The following COQ7 variants were observed in gnomAD, a reference collection of about 807,000 sequenced individuals.
The protein encoded by COQ7 is NADPH-dependent 3-demethoxyubiquinone 3-hydroxylase, mitochondrial.
COQ7 carries 21 observed loss-of-function variants against 25.0 expected under a neutral mutation model. That is an observed-to-expected ratio of 0.84 (90% CI 0.60 to 1.21). The LOEUF (loss-of-function observed/expected upper bound fraction) is 1.21, where lower values mean the gene tolerates loss of function less well. Among genes scored for constraint, COQ7 ranks in the 50% most tolerant of loss-of-function variants. The probability of loss-of-function intolerance (pLI) is 0.00; values close to 1 mark genes in which losing one functional copy is unlikely to be tolerated. For missense variants in COQ7, 311 were observed against 296.2 expected (o/e 1.05, Z -0.37); for synonymous variants, 125 against 112.4 (o/e 1.11, Z -0.71).
At chr16:19,082,860 CGTATT>C (rs1357974666), downstream of COQ7, among the ~76,000 whole-genome samples, 1 of 151,456 alleles carries the variant, frequency 6.6e-6, no homozygotes, top group African/African-American at 2.4e-5. Context: ...CAAAAGGTCA[CGTATT>C]GTATTATTCC....
intron 3 of COQ7, 96 bp downstream of exon 3, chr16:19,074,131 A>G (rs1163065334): frequency 5.4e-5 from 46 of 853,644 alleles, no homozygotes; most frequent in Non-Finnish European, 6.6e-5. Flanking sequence ...GTGTCCTCTT[A>G]TGACCTCATT....
At position 19,068,164 on chromosome 16, in the gene COQ7, TAC is replaced by T. The variant is rs540719700; in HGVS notation, c.73+429_73+430del. The stretch of plus-strand genomic sequence containing the variant: ...GCTACTTCTGGGCGCTCGCTAGAAA[TAC>T]AGATTCTCGGGCCCCACCCCGACCT... On this transcript the variant is annotated intron_variant, in intron 1 of 5. Transcript: ENST00000321998. 5.0e-4 allele frequency: 519 copies of T among 1,037,470 alleles called. 5 individuals carry two copies. The African/African-American group carries it at 8.1e-3, about 16-fold the overall frequency. 64.3% of individuals were successfully genotyped at this position (1,037,470 alleles called of 1,614,324 possible).
intron 3 of COQ7, 73 bp from the exon 4 acceptor site, chr16:19,075,648 C>A: frequency 1.3e-6 from 2 of 1,487,946 alleles, no homozygotes; most frequent in Non-Finnish European, 1.8e-6. Flanking sequence ...GTTAAGAAGC[C>A]CTGGCCACAG....
rs1963034092 is a variant in COQ7, at chr16:19,079,557, TTC to T, written c.*1400_*1401del. Reference sequence around the variant, plus strand: ...TCCTGTGGAGATTAAACTTTTTTTTTTCAGTTTATGGACCAAGAGTTTTGATT... The same window carrying T: ...TCCTGTGGAGATTAAACTTTTTTTTTAGTTTATGGACCAAGAGTTTTGATT... On this transcript the variant is annotated 3_prime_UTR_variant, in exon 6 of 6. Coordinates refer to ENST00000321998, the MANE Select transcript of COQ7 (RefSeq NM_016138.5). 6.6e-6 allele frequency: 1 copy of T among 152,202 alleles called. No homozygotes were observed. Among genetic ancestry groups the T allele is most frequent in the African/African-American group, 2.4e-5 (1 of 41,454 alleles). 9.4% of individuals were successfully genotyped at this position (152,202 alleles called of 1,614,324 possible).
intron 2 of COQ7, 182 bp downstream of exon 2, chr16:19,072,288 GCA>G: frequency 1.5e-6 from 1 of 657,214 alleles, no homozygotes; most frequent in South Asian, 1.9e-5. Flanking sequence ...TATGGATAAA[GCA>G]CAGAGAGACA....
intron 1 of COQ7, among the ~76,000 whole-genome samples, chr16:19,071,284 C>G (rs1034907445): frequency 6.6e-6 from 1 of 152,276 alleles, no homozygotes; most frequent in African/African-American, 2.4e-5. Flanking sequence ...TAAAGGCACA[C>G]GCCAACACAC....
intron 1 of COQ7, among the ~76,000 whole-genome samples, chr16:19,069,607 C>T (rs112673779): frequency 1.6e-4 from 24 of 151,998 alleles, no homozygotes; most frequent in South Asian, 4.2e-4. Flanking sequence ...GACGGGGTTT[C>T]GCCATGATGA....
At chr16:19,082,050 C>G (rs1963109534), downstream of COQ7, among the ~76,000 whole-genome samples, 3 of 152,066 alleles carry the variant, frequency 2.0e-5, no homozygotes, top group African/African-American at 7.2e-5. Flanking sequence ...AAAACATGTT[C>G]AAACCAATCC....
At chr16:19,073,434 G>C (rs987900324) in intron 2 of COQ7, among the ~76,000 whole-genome samples, 1 of 152,108 alleles carries the variant, frequency 6.6e-6, no homozygotes, top group Admixed American at 6.5e-5. Context: ...TTGAGGCTGC[G>C]GTGAGCCATG....
chr16:19,069,815 ACT>A (rs1962462117), intron 1 of COQ7, among the ~76,000 whole-genome samples: 1 of 147,512 alleles, frequency 6.8e-6, no homozygotes, highest in Non-Finnish European at 1.5e-5. Context: ...ACAGAGTCTC[ACT>A]CTGTCACCGA....
intron 3 of COQ7, among the ~76,000 whole-genome samples, chr16:19,074,745 T>C (rs1313160931): frequency 6.6e-6 from 1 of 152,164 alleles, no homozygotes; most frequent in Non-Finnish European, 1.5e-5. Flanking sequence ...GGTCTCGTTA[T>C]GTTACCTAGG....
At position 19,073,889 on chromosome 16, in the gene COQ7, C is replaced by G. The variant is rs769518622; in HGVS notation, c.253-32C>G. 23 of 1,554,642 alleles carry G rather than the reference C, an allele frequency of 1.5e-5. No homozygotes were observed. The African/African-American group carries it at 1.8e-4, about 12-fold the overall frequency. ...ATGAGTGGGAGGCCTCTATGGAATGCTTGCATGTCTTTATTTTTATGTTTC... is the reference window on the plus strand; with the variant it reads ...ATGAGTGGGAGGCCTCTATGGAATGGTTGCATGTCTTTATTTTTATGTTTC... On this transcript the variant is annotated intron_variant, in intron 2 of 5. Transcript: ENST00000321998.
In COQ7 at chr16:19,073,960, A is replaced by G. The variant is rs1368130266; in HGVS notation, c.292A>G (p.Asn98Asp). 1 of 1,613,828 alleles carries G rather than the reference A, an allele frequency of 6.2e-7. No individual in the cohort carries two copies. Among genetic ancestry groups the G allele is most frequent in the Non-Finnish European group, 8.5e-7 (1 of 1,179,960 alleles). Residue 98 changes from asparagine (N) to aspartate (D), a missense_variant, in exon 3 of 6, where the codon AAT (asparagine) becomes GAT (aspartate). By Grantham distance (23) the Asn-to-Asp change is conservative. Coordinates refer to ENST00000321998, the MANE Select transcript of COQ7 (RefSeq NM_016138.5). ...AGAAAAGGACCATTTGAAAAAGTTC[A>G]ATGAGTTGATGGTTACGTTCAGGGT... ...DQEKDHLKKFNELMVTFRVRP... is the reference protein window; with the variant it reads ...DQEKDHLKKFDELMVTFRVRP...
intron 4 of COQ7, among the ~76,000 whole-genome samples, chr16:19,076,749 G>A (rs1962868217): frequency 2.0e-5 from 3 of 151,728 alleles, no homozygotes; most frequent in South Asian, 2.1e-4. Flanking sequence ...GCACCACCAC[G>A]CCCAGCTAAT....
intron 1 of COQ7, among the ~76,000 whole-genome samples, chr16:19,069,898 C>T (rs575003772): frequency 6.6e-6 from 1 of 152,212 alleles, no homozygotes; most frequent in East Asian, 1.9e-4. Context: ...ATTGTTCTGC[C>T]TCAGCCTCCT....
chr16:19,067,750 G>A lies in COQ7; in HGVS notation c.73+13G>A. 1 of 1,598,584 alleles carries A rather than the reference G, an allele frequency of 6.3e-7. No individual in the cohort carries two copies. The highest frequency in any genetic ancestry group is 8.5e-7 in the Non-Finnish European group (1 of 1,177,482). ...CGGTCCCTCTCAGGTAAAAGGAGGC[G>A]CGCAGTCACAGTCCTGCGCCGGTCT... On this transcript the variant is annotated intron_variant, in intron 1 of 5. Coordinates refer to ENST00000321998, the MANE Select transcript of COQ7 (RefSeq NM_016138.5).
In COQ7 at chr16:19,076,585, CTTTTTTTTTTTTTTT is replaced by C. The variant is rs67725348; in HGVS notation, c.508-708_508-694del. On this transcript the variant is annotated intron_variant, in intron 4 of 5. Coordinates refer to ENST00000321998, the MANE Select transcript of COQ7 (RefSeq NM_016138.5). The stretch of plus-strand genomic sequence containing the variant: ...GAGCCACACCACCTGGTGCTGTTCA[CTTTTTTTTTTTTTTT>C]TTTTTTTTTTTTGAGATGGAGTCTC... Among the ~76,000 whole-genome samples the C allele has an allele frequency of 3.1e-4, 25 of 80,524 alleles. No individual in the cohort carries two copies. In the South Asian group the frequency reaches 6.2e-3, roughly 20 times the overall value. 52.8% of individuals were successfully genotyped at this position (80,524 alleles called of 152,430 possible).
intron 1 of COQ7, among the ~76,000 whole-genome samples, chr16:19,071,127 TTTTGTTTG>T (rs150923422): frequency 6.6e-6 from 1 of 151,804 alleles, no homozygotes; most frequent in East Asian, 1.9e-4. Context: ...TTTTTTCTGT[TTTTGTTTG>T]TTTGTTTGTT....
At chr16:19,082,002 CAA>C (rs1222273721), downstream of COQ7, among the ~76,000 whole-genome samples, 1 of 151,594 alleles carries the variant, frequency 6.6e-6, no homozygotes, top group Non-Finnish European at 1.5e-5. Flanking sequence ...GCCTGGGCAA[CAA>C]GAGTGAAACT....
Sources: gnomAD v4.1 joint callset for allele counts (sites outside exome capture counted in the v4.1 genomes callset) on GRCh38, gnomAD v4.1.1 for gene constraint, MANE v1.5 for transcripts, NCBI Gene and HGNC (gene_info 2026-07-23, HGNC 2026-07-21) for gene names.